Variants in USH2A observed in about 807,000 individuals in gnomAD.
USH2A encodes usherin.
USH2A carries 443 observed loss-of-function variants against 538.9 expected under a neutral mutation model. The observed-to-expected ratio is 0.82, with a 90% CI of 0.76 to 0.89. USH2A has a LOEUF of 0.89. Ranked by LOEUF, USH2A falls within the 40% of genes least tolerant of loss-of-function variation. The pLI is 0.00. For missense variants in USH2A, 6,633 were observed against 6,324.8 expected (o/e 1.05, Z -1.65); for synonymous variants, 2,413 against 2,273.5 (o/e 1.06, Z -1.75).
intron 3 of USH2A, among the ~76,000 whole-genome samples, chr1:216,388,200 C>T (rs2039037950): frequency 2.0e-5 from 3 of 152,146 alleles, no homozygotes; most frequent in Non-Finnish European, 1.5e-5. Context: ...AAGACAAGAG[C>T]ATCTGTCCAA....
intron 61 of USH2A, among the ~76,000 whole-genome samples, chr1:215,707,425 A>G (rs971298496): frequency 1.3e-5 from 2 of 152,186 alleles, no homozygotes; most frequent in Admixed American, 1.3e-4. Context: ...AACAGTTAGT[A>G]TCTTTCTCTT....
At chr1:216,280,817 C>T (rs1384834112) in intron 11 of USH2A, among the ~76,000 whole-genome samples, 4 of 152,134 alleles carry the variant, frequency 2.6e-5, no homozygotes, top group African/African-American at 7.2e-5. Context: ...ATAGAGCGCA[C>T]GACACAGTCA....
At chr1:215,684,403 G>T (rs1323974638) in intron 61 of USH2A, among the ~76,000 whole-genome samples, 1 of 152,172 alleles carries the variant, frequency 6.6e-6, no homozygotes, top group Non-Finnish European at 1.5e-5. Context: ...CCATTGATCT[G>T]TAGCTGTCAA....
At chr1:216,061,890 C>T (rs1005193850) in intron 30 of USH2A, among the ~76,000 whole-genome samples, 3 of 152,186 alleles carry the variant, frequency 2.0e-5, no homozygotes, top group East Asian at 1.9e-4. Flanking sequence ...GAAGCTGAAA[C>T]TGTAGGGTGG....
intron 3 of USH2A, among the ~76,000 whole-genome samples, chr1:216,367,981 T>C (rs2038632697): frequency 2.0e-5 from 3 of 152,220 alleles, no homozygotes. Context: ...GCATGTTTAT[T>C]GGTGTGTCTT....
In USH2A at chr1:215,675,143, C is replaced by T. The variant is rs1248123238; in HGVS notation, c.12768G>A (p.Val4256=). ...CTTCTGGAGGTGCTTGCAATGTCCT[C>T]ACCACATTCCAAGAGCTACAGGTAT... ...AGHTCSSWNV[V]RTLQAPPEGL... is the part of the protein sequence containing the mutation. The change falls in exon 63 of 72, where the codon GTG becomes GTA. Residue 4256 remains valine (V), a synonymous_variant. Coordinates refer to ENST00000307340, the MANE Select transcript of USH2A (RefSeq NM_206933.4). 8.7e-6 allele frequency: 14 copies of T among 1,613,956 alleles called. No homozygotes were observed. The Admixed American group carries it at 2.3e-4, about 27-fold the overall frequency.
At chr1:215,912,474 T>TATATAC (rs376298059) in intron 38 of USH2A, among the ~76,000 whole-genome samples, 16 of 15,140 alleles carry the variant, frequency 1.1e-3, no homozygotes, top group African/African-American at 2.9e-3. Flanking sequence ...TATATATATA[T>TATATAC]ACGTATATAT....
At chr1:215,673,930 G>T (rs1046459376) in intron 63 of USH2A, among the ~76,000 whole-genome samples, 170 bp downstream of exon 63, 2 of 152,100 alleles carry the variant, frequency 1.3e-5, no homozygotes, top group African/African-American at 2.4e-5. Context: ...ATGCAAGCAG[G>T]CTTTGCTTGG....
At chr1:216,386,534 CA>C (rs1378790307) in intron 3 of USH2A, among the ~76,000 whole-genome samples, 3 of 73,328 alleles carry the variant, frequency 4.1e-5, no homozygotes, top group Admixed American at 2.0e-4. Context: ...AAACAAAAAC[CA>C]AAAAACTATA....
At chr1:216,242,932 C>T (rs2035965635) in intron 13 of USH2A, among the ~76,000 whole-genome samples, 2 of 152,192 alleles carry the variant, frequency 1.3e-5, no homozygotes, top group Admixed American at 1.3e-4. Context: ...TGCTACTACA[C>T]ATAAAATGTT....
intron 3 of USH2A, among the ~76,000 whole-genome samples, chr1:216,390,424 C>T (rs890953529): frequency 7.2e-5 from 11 of 152,112 alleles, no homozygotes; most frequent in African/African-American, 2.2e-4. Context: ...ATGAATGAAT[C>T]CATACCATAA....
Position 216,217,676 on chromosome 1 carries a change from A to C in USH2A, c.2994-126T>G, listed in dbSNP as rs1242461763. 1.5e-5 allele frequency: 16 copies of C among 1,084,364 alleles called. No individual in the cohort carries two copies. The East Asian group carries it at 2.3e-4, about 16-fold the overall frequency. The allele number at this position is 1,084,364 out of a possible 1,614,324, so 67.2% of individuals were successfully genotyped here. A position where few individuals can be genotyped will look rare whatever the true frequency, so the allele number is the denominator to read the frequency against. The stretch of plus-strand genomic sequence containing the variant: ...TGTTTTAGCCAATATATTGAAAAGA[A>C]TGCTTGAGCTAAACAAACAAAGAAT... On this transcript the variant is annotated intron_variant, in intron 14 of 71. Coordinates refer to ENST00000307340, the MANE Select transcript of USH2A (RefSeq NM_206933.4).
intron 13 of USH2A, among the ~76,000 whole-genome samples, chr1:216,243,268 CTT>C (rs1457982393): frequency 6.6e-6 from 1 of 152,116 alleles, no homozygotes. Context: ...CCTTCATTAA[CTT>C]TGGCTGATTT....
At chr1:216,158,174 T>C (rs934176373) in intron 21 of USH2A, among the ~76,000 whole-genome samples, 2 of 152,152 alleles carry the variant, frequency 1.3e-5, no homozygotes, top group African/African-American at 2.4e-5. Flanking sequence ...TTTTTGATTA[T>C]TAGAAATAAA....
intron 19 of USH2A, among the ~76,000 whole-genome samples, chr1:216,193,240 T>G (rs900194681): frequency 1.3e-5 from 2 of 152,148 alleles, no homozygotes; most frequent in Non-Finnish European, 1.5e-5. Context: ...AAGTTACAAC[T>G]AACTTTACCT....
intron 38 of USH2A, among the ~76,000 whole-genome samples, chr1:215,926,571 G>T (rs144420904): frequency 7.0e-6 from 1 of 142,730 alleles, no homozygotes; most frequent in African/African-American, 2.6e-5. Context: ...CTTTGGAAGC[G>T]TGTCTTTTTC....
intron 38 of USH2A, among the ~76,000 whole-genome samples, chr1:215,921,722 C>T (rs147052783): frequency 2.0e-4 from 30 of 152,138 alleles, no homozygotes; most frequent in African/African-American, 6.0e-4. Context: ...AATACAGTGT[C>T]TGCCTTTTAC....
intron 13 of USH2A, among the ~76,000 whole-genome samples, chr1:216,241,102 A>G (rs2035927690): frequency 6.6e-6 from 1 of 152,212 alleles, no homozygotes; most frequent in African/African-American, 2.4e-5. Context: ...AAATTTATAT[A>G]GTCATAATAA....
chr1:216,083,558 A>C lies in USH2A; in HGVS notation c.5196T>G (p.Phe1732Leu). 4.3e-6 allele frequency: 7 copies of C among 1,612,430 alleles called. No homozygotes were observed. Among genetic ancestry groups the C allele is most frequent in the Non-Finnish European group, 5.9e-6 (7 of 1,179,066 alleles). Residue 1732 changes from phenylalanine to leucine, a missense_variant, in exon 26 of 72, where the codon TTT becomes TTG. Coordinates refer to ENST00000307340, the MANE Select transcript of USH2A (RefSeq NM_206933.4). ...AAATCTCAAAGTTCATTCCACCATGAAACATATATGGATGAAGTTCCAGGA... is the reference window on the plus strand; with the variant it reads ...AAATCTCAAAGTTCATTCCACCATGCAACATATATGGATGAAGTTCCAGGA... ...AGFLELHPYM[F>L]HGGMNFEISF...
Sources: gnomAD v4.1 joint callset for allele counts (sites outside exome capture counted in the v4.1 genomes callset) on GRCh38, gnomAD v4.1.1 for gene constraint, MANE v1.5 for transcripts, NCBI Gene and HGNC (gene_info 2026-07-23, HGNC 2026-07-21) for gene names.